Variants in ZNF749 observed in about 807,000 individuals in gnomAD.
ZNF749 encodes zinc finger protein 749.
In ZNF749, 8 loss-of-function variants were observed where a neutral mutation model predicts 7.3. The observed-to-expected ratio is 1.10, with a 90% CI of 0.64 to 1.98. ZNF749 has a LOEUF of 1.98. ZNF749 is among the 30% of genes most tolerant of loss of function. ZNF749 has a pLI of 0.00. For missense variants in ZNF749, 898 were observed against 932.4 expected (o/e 0.96, Z 0.48); for synonymous variants, 310 against 322.4 (o/e 0.96, Z 0.41).
upstream of ZNF749, among the ~76,000 whole-genome samples, chr19:57,433,181 C>T (rs541420520): frequency 4.7e-5 from 7 of 150,398 alleles, no homozygotes; most frequent in African/African-American, 9.8e-5. Flanking sequence ...GGTTGACATC[C>T]TATGTGATTG....
Position 57,445,751 on chromosome 19 carries a change from A to T in ZNF749, c.*266A>T, listed in dbSNP as rs1258759707. Among the ~76,000 whole-genome samples, 1 of 152,120 alleles carries T rather than the reference A, an allele frequency of 6.6e-6. No individual in the cohort carries two copies. Among genetic ancestry groups the T allele is most frequent in the Non-Finnish European group, 1.5e-5 (1 of 68,028 alleles). On this transcript the variant is annotated 3_prime_UTR_variant, in exon 3 of 3. Coordinates refer to ENST00000334181, the MANE Select transcript of ZNF749 (RefSeq NM_001023561.4). ...TGAGACCAGCCGGGCCAACATGGTG[A>T]AGCCCCATCTCTACTAAAAATACAA... is the stretch of plus-strand genomic sequence containing the variant.
Position 57,445,040 on chromosome 19 carries a change from A to C in ZNF749, c.1892A>C (p.Gln631Pro). The C allele has an allele frequency of 1.2e-6, 2 of 1,614,184 alleles. No individual in the cohort carries two copies. Among genetic ancestry groups the C allele is most frequent in the South Asian group, 2.2e-5 (2 of 91,062 alleles). The change falls in exon 3 of 3, where the codon CAG becomes CCG. Residue 631 changes from glutamine to proline, a missense_variant. By Grantham distance (76) the Gln-to-Pro change is moderately conservative. Transcript: ENST00000334181. ...TATCGCTGTACACTGAGTAGACATC[A>C]GAAAGTTCACACTGGAGAAAGACCT... The part of the protein sequence containing the change: ...FRYRCTLSRH[Q>P]KVHTGERPYE...
chr19:57,435,966 G>A (rs1446534819), intron 1 of ZNF749, among the ~76,000 whole-genome samples: 1 of 152,184 alleles, frequency 6.6e-6, no homozygotes, highest in Non-Finnish European at 1.5e-5. Flanking sequence ...GGGAAAACAG[G>A]ATGTTGAACG....
At chr19:57,428,935 CTGTG>C in the ZNF749 span, among the ~76,000 whole-genome samples, 1 of 152,270 alleles carries the variant, frequency 6.6e-6, no homozygotes, top group Non-Finnish European at 1.5e-5. Flanking sequence ...TTCCATGTTG[CTGTG>C]TGTGTCAAAA....
chr19:57,435,965 G>A (rs1600101194), intron 1 of ZNF749, among the ~76,000 whole-genome samples: 1 of 152,210 alleles, frequency 6.6e-6, no homozygotes, highest in African/African-American at 2.4e-5. Flanking sequence ...GGGGAAAACA[G>A]GATGTTGAAC....
intron 1 of ZNF749, among the ~76,000 whole-genome samples, chr19:57,438,724 GTGGTGTCCTGAAACTTC>G (rs2088959043): frequency 6.6e-6 from 1 of 152,220 alleles, no homozygotes; most frequent in African/African-American, 2.4e-5. Flanking sequence ...ATAGGGAAAG[GTGGTGTCCTGAAACTTC>G]ATGTTTTTCC....
At chr19:57,434,521 C>T (rs1052442656), upstream of ZNF749, among the ~76,000 whole-genome samples, 3 of 152,144 alleles carry the variant, frequency 2.0e-5, no homozygotes, top group Admixed American at 6.5e-5. Context: ...CCCCTCCCTT[C>T]CAGTTGCGCC....
chr19:57,444,544 A>G lies in ZNF749; in HGVS notation c.1396A>G (p.Lys466Glu), dbSNP rs2089036244. The G allele has an allele frequency of 6.2e-7, 1 of 1,613,878 alleles. No individual in the cohort carries two copies. Among genetic ancestry groups the G allele is most frequent in the Admixed American group, 1.7e-5 (1 of 60,000 alleles). The change falls in exon 3 of 3, where the codon AAA becomes GAA. Residue 466 changes from lysine to glutamate, a missense_variant. Coordinates refer to ENST00000334181, the MANE Select transcript of ZNF749 (RefSeq NM_001023561.4). ...HQKIHTDAFS[K>E]RSDLIQHKRI... Reference sequence around the variant, plus strand: ...GAAAATCCACACTGATGCATTTTCAAAAAGGTCTGACCTCATTCAACACAA... The same window carrying G: ...GAAAATCCACACTGATGCATTTTCAGAAAGGTCTGACCTCATTCAACACAA...
chr19:57,444,256 G>A lies in ZNF749; in HGVS notation c.1108G>A (p.Gly370Ser), dbSNP rs61997241. 2,854 of 1,614,058 alleles carry A rather than the reference G, an allele frequency of 1.8e-3. 27 individuals are homozygous for A. The African/African-American group carries it at 0.025, about 14-fold the overall frequency. The change falls in exon 3 of 3, where the codon GGT becomes AGT. Residue 370 changes from glycine (G) to serine (S), a missense_variant. By Grantham distance (56) the Gly-to-Ser change is moderately conservative. Transcript: ENST00000334181. ...GKLFMDSFTL[G>S]RHQRVHTGER... ...ATTGTTTATGGACAGCTTCACACTC[G>A]GTAGACATCAGAGAGTTCATACTGG...
At position 57,446,391 on chromosome 19, in the gene ZNF749, T is replaced by C. The variant is rs932691790; in HGVS notation, c.*906T>C. Among the ~76,000 whole-genome samples, 1 of 152,184 alleles carries C rather than the reference T, an allele frequency of 6.6e-6. No homozygotes were observed. The highest frequency in any genetic ancestry group is 2.4e-5 in the African/African-American group (1 of 41,448). On this transcript the variant is annotated 3_prime_UTR_variant, in exon 3 of 3. Transcript: ENST00000334181. ...TGGCTTCCATGAAACCAGTCCCTGG[T>C]GCCAAAGAGGTTGGGGACCGCTGCT...
chr19:57,442,553 A>G lies in ZNF749; in HGVS notation c.142+542A>G, dbSNP rs2089002887. On this transcript the variant is annotated intron_variant, in intron 2 of 2. Transcript: ENST00000334181. This position sits in a 1 kb window ranked among gnomAD's most constrained non-coding sequence, Gnocchi z 6.6. ...CCCTGCCTTTCCCGTAGCTGGACTT[A>G]TGCCGCAGCTAGATAGTTGCTCACC... is the stretch of plus-strand genomic sequence containing the variant. Among the ~76,000 whole-genome samples, 1 of 152,074 alleles carries G rather than the reference A, an allele frequency of 6.6e-6. No homozygotes were observed. The highest frequency in any genetic ancestry group is 2.1e-4 in the South Asian group (1 of 4,816).
rs1053135227 is a variant in ZNF749, at chr19:57,436,939, C to T, written c.15+1346C>T. Among the ~76,000 whole-genome samples the T allele has an allele frequency of 6.6e-6, 1 of 151,988 alleles. No homozygotes were observed. Among genetic ancestry groups the T allele is most frequent in the Non-Finnish European group, 1.5e-5 (1 of 68,016 alleles). On this transcript the variant is annotated intron_variant, in intron 1 of 2. Transcript: ENST00000334181. The surrounding 1 kb of genome is among the most constrained non-coding windows in gnomAD (Gnocchi z 4.0). Reference sequence around the variant, plus strand: ...CATGTTGATGATAGCCATCTGGGACCATAGATTCAAGTTGTCCTGAATATA... The same window carrying T: ...CATGTTGATGATAGCCATCTGGGACTATAGATTCAAGTTGTCCTGAATATA...
At chr19:57,429,968 G>T in the ZNF749 span, among the ~76,000 whole-genome samples, 1 of 152,156 alleles carries the variant, frequency 6.6e-6, no homozygotes, top group Non-Finnish European at 1.5e-5. The surrounding 1 kb of genome is among the most constrained non-coding windows in gnomAD (Gnocchi z 4.2). Context: ...TAGGAGACTT[G>T]ATCTTAATTT....
upstream of ZNF749, among the ~76,000 whole-genome samples, chr19:57,430,505 T>C (rs2088894299): frequency 6.6e-6 from 1 of 152,210 alleles, no homozygotes; most frequent in African/African-American, 2.4e-5. Context: ...CTGGGTCATA[T>C]GCATATGAAA....
rs2088962601 is a variant in ZNF749, at chr19:57,439,070, G to A, written c.16-2815G>A. The stretch of plus-strand genomic sequence containing the variant: ...TCTGAGGGCGATGGTAACTAGGGAA[G>A]GTTTGAGGAGGGGGGAAAAAGAGGT... On this transcript the variant is annotated intron_variant, in intron 1 of 2. Transcript: ENST00000334181. The surrounding 1 kb of genome is among the most constrained non-coding windows in gnomAD (Gnocchi z 4.3). Among the ~76,000 whole-genome samples, 1 of 152,142 alleles carries A rather than the reference G, an allele frequency of 6.6e-6. No individual in the cohort carries two copies. Among genetic ancestry groups the A allele is most frequent in the Admixed American group, 6.5e-5 (1 of 15,268 alleles).
At chr19:57,437,333 A>C (rs961814191) in intron 1 of ZNF749, among the ~76,000 whole-genome samples, 14 of 152,182 alleles carry the variant, frequency 9.2e-5, no homozygotes, top group Non-Finnish European at 2.9e-5. Context: ...GTAATCAATA[A>C]TTTAAATGTA....
upstream of ZNF749, among the ~76,000 whole-genome samples, chr19:57,434,089 A>G (rs1459575693): frequency 6.6e-6 from 1 of 152,000 alleles, no homozygotes; most frequent in South Asian, 2.1e-4. Context: ...CTTGGTCTTC[A>G]CAACCCCTTG....
upstream of ZNF749, among the ~76,000 whole-genome samples, chr19:57,433,156 A>C (rs1348080204): frequency 2.5e-5 from 3 of 119,856 alleles, no homozygotes; most frequent in Non-Finnish European, 5.3e-5. Context: ...GTGTGTGTGA[A>C]GGGGTTATTT....
chr19:57,443,906 A>T lies in ZNF749; in HGVS notation c.758A>T (p.Glu253Val). 1 of 1,613,998 alleles carries T rather than the reference A, an allele frequency of 6.2e-7. No individual in the cohort carries two copies. ...AATCATGCTGGAGAAAGGCCTTATG[A>T]GGGCACTGAATATGGAAAGACCTTT... Reference protein sequence around the residue: ...QQNHAGERPYEGTEYGKTFIR... With the variant: ...QQNHAGERPYVGTEYGKTFIR... Residue 253 changes from glutamate to valine, a missense_variant, in exon 3 of 3, where the codon GAG (glutamate) becomes GTG (valine). Coordinates refer to ENST00000334181, the MANE Select transcript of ZNF749 (RefSeq NM_001023561.4).
Sources: allele counts gnomAD v4.1 joint callset (sites outside exome capture counted in the v4.1 genomes callset), GRCh38; gene constraint gnomAD v4.1.1; non-coding constraint Gnocchi (gnomAD v3.1); transcripts MANE v1.5; gene names NCBI Gene and HGNC (gene_info 2026-07-23, HGNC 2026-07-21).